Variants in NRG1 observed in about 807,000 individuals in gnomAD.
NRG1 encodes pro-neuregulin-1, membrane-bound isoform.
Under a neutral mutation model 63.8 loss-of-function variants are expected in NRG1, and 18 were observed. That is an observed-to-expected ratio of 0.28 (90% CI 0.19 to 0.42). NRG1 has a LOEUF of 0.42. NRG1 is among the 10% of genes least tolerant of loss of function. The pLI is 1.00. For missense variants in NRG1, 762 were observed against 814.7 expected, an observed-to-expected ratio of 0.94 and a Z score of 0.79; for synonymous variants, 302 against 301.3, an observed-to-expected ratio of 1.00 and a Z score of -0.02.
chr8:32,070,297 G>A (rs1017604242), intron 1 of NRG1, among the ~76,000 whole-genome samples: 6 of 152,064 alleles, frequency 3.9e-5, no homozygotes, highest in Non-Finnish European at 5.9e-5. Flanking sequence ...GCCTTGGAGA[G>A]GTTACTTGAA....
intron 1 of NRG1, among the ~76,000 whole-genome samples, chr8:32,047,911 A>G (rs1821270832): frequency 6.6e-6 from 1 of 151,876 alleles, no homozygotes; most frequent in Non-Finnish European, 1.5e-5. Context: ...ACATCTTCCT[A>G]ACACCTCCAA....
intron 1 of NRG1, among the ~76,000 whole-genome samples, chr8:32,193,634 T>C (rs1460088540): frequency 1.3e-5 from 2 of 152,106 alleles, no homozygotes; most frequent in African/African-American, 2.4e-5. Context: ...CTCGGTGTTA[T>C]GGGTTGAATT....
chr8:32,666,046 G>T (rs1804067555), intron 5 of NRG1, among the ~76,000 whole-genome samples: 1 of 152,136 alleles, frequency 6.6e-6, no homozygotes, highest in Admixed American at 6.5e-5. Flanking sequence ...GTCTGATCTT[G>T]TGTTTCTTGA....
chr8:32,351,154 C>A (rs961740013), intron 1 of NRG1, among the ~76,000 whole-genome samples: 3 of 152,152 alleles, frequency 2.0e-5, no homozygotes, highest in African/African-American at 4.8e-5. Flanking sequence ...TAAAACATCT[C>A]AGGGCTGGTC....
At chr8:31,919,348 C>T (rs1360590036) in intron 1 of NRG1, among the ~76,000 whole-genome samples, 1 of 150,114 alleles carries the variant, frequency 6.7e-6, no homozygotes, top group Non-Finnish European at 1.5e-5. Flanking sequence ...TTACGCTTTT[C>T]AACCAAATAC....
chr8:32,317,909 A>G (rs1190731405), intron 1 of NRG1, among the ~76,000 whole-genome samples: 1 of 152,156 alleles, frequency 6.6e-6, no homozygotes, highest in Non-Finnish European at 1.5e-5. Context: ...ATAATTGAAG[A>G]GATGCTAAGT....
At chr8:31,819,983 AAT>A (rs1823849982) in intron 1 of NRG1, among the ~76,000 whole-genome samples, 2 of 152,206 alleles carry the variant, frequency 1.3e-5, no homozygotes, top group African/African-American at 2.4e-5. Flanking sequence ...TCATCTCCAC[AAT>A]ATGTCCAATA....
chr8:32,114,517 C>T (rs960134802), intron 1 of NRG1, among the ~76,000 whole-genome samples: 11 of 152,190 alleles, frequency 7.2e-5, no homozygotes, highest in East Asian at 1.9e-4. Flanking sequence ...AAAAAAAAAT[C>T]GCAAGTGACT....
intron 1 of NRG1, among the ~76,000 whole-genome samples, chr8:31,772,976 G>C (rs1818776359): frequency 6.6e-6 from 1 of 152,144 alleles, no homozygotes; most frequent in Admixed American, 6.5e-5. Flanking sequence ...AGAGAGTTTT[G>C]CCCAAAAAGC....
chr8:32,591,024 G>A (rs17665212), intron 1 of NRG1, among the ~76,000 whole-genome samples: 42,990 of 152,010 alleles, frequency 0.28, 6,202 homozygotes, highest in South Asian at 0.36. Flanking sequence ...ACCTTTGTAT[G>A]GTCCTTGTCT....
chr8:31,863,096 T>A (rs1828624339), intron 1 of NRG1, among the ~76,000 whole-genome samples: 1 of 152,016 alleles, frequency 6.6e-6, no homozygotes, highest in African/African-American at 2.4e-5. Flanking sequence ...ATTTCCTGAC[T>A]GATTCTCCAA....
At chr8:32,397,842 T>C (rs529552476) in intron 1 of NRG1, among the ~76,000 whole-genome samples, 1 of 152,212 alleles carries the variant, frequency 6.6e-6, no homozygotes, top group Non-Finnish European at 1.5e-5. Context: ...TTTCTTTGTC[T>C]TAGTCTTCCA....
At chr8:32,164,655 A>G (rs1839212264) in intron 1 of NRG1, among the ~76,000 whole-genome samples, 1 of 152,234 alleles carries the variant, frequency 6.6e-6, no homozygotes, top group South Asian at 2.1e-4. Flanking sequence ...TTCCATAAAA[A>G]GAGGTATTTT....
intron 1 of NRG1, among the ~76,000 whole-genome samples, chr8:32,050,789 G>A (rs1821856734): frequency 6.6e-6 from 1 of 152,114 alleles, no homozygotes; most frequent in Non-Finnish European, 1.5e-5. Flanking sequence ...TGGTATGAAG[G>A]AACAAAGCAA....
chr8:31,859,680 A>G (rs1478221148), intron 1 of NRG1, among the ~76,000 whole-genome samples: 1 of 152,218 alleles, frequency 6.6e-6, no homozygotes, highest in Non-Finnish European at 1.5e-5. Flanking sequence ...TATGTTTGAT[A>G]ATCTATTGTA....
At chr8:31,904,315 G>A (rs945987223) in intron 1 of NRG1, among the ~76,000 whole-genome samples, 13 of 152,098 alleles carry the variant, frequency 8.5e-5, no homozygotes, top group Non-Finnish European at 7.3e-5. Flanking sequence ...AGTAGCTATC[G>A]CTGAAGCTGT....
chr8:32,255,253 T>C (rs190410011), intron 1 of NRG1, among the ~76,000 whole-genome samples: 9 of 152,350 alleles, frequency 5.9e-5, no homozygotes, highest in Admixed American at 5.2e-4. Flanking sequence ...GCTGGTTATT[T>C]TGCCTGTTAG....
chr8:32,240,416 G>A (rs1306891613), intron 1 of NRG1, among the ~76,000 whole-genome samples: 3 of 152,076 alleles, frequency 2.0e-5, no homozygotes, highest in Non-Finnish European at 4.4e-5. Flanking sequence ...AGGAGGGAGG[G>A]AGGTGTGTGT....
chr8:32,128,993 T>C (rs1184631304), intron 1 of NRG1, among the ~76,000 whole-genome samples: 2 of 151,938 alleles, frequency 1.3e-5, no homozygotes, highest in African/African-American at 4.8e-5. Context: ...CAAAGTCACT[T>C]ACAGTGGGAA....
Sources: allele counts gnomAD v4.1 joint callset (sites outside exome capture counted in the v4.1 genomes callset), GRCh38; gene constraint gnomAD v4.1.1; transcripts MANE v1.5; gene names NCBI Gene and HGNC (gene_info 2026-07-23, HGNC 2026-07-21).